Variants in RTL1 observed in about 807,000 individuals in gnomAD.
RTL1 encodes the protein retrotransposon Gag like 1.
For synonymous variants in RTL1, 727 were observed against 748.4 expected (o/e 0.97, Z 0.47); for missense variants, 1,681 against 1,767.5 (o/e 0.95, Z 0.88).
At chr14:100,891,579 A>C (rs1048478222) in intron 3 of RTL1, among the ~76,000 whole-genome samples, 1 of 152,164 alleles carries the variant, frequency 6.6e-6, no homozygotes, top group Non-Finnish European at 1.5e-5. Flanking sequence ...TCTATGCTTG[A>C]CTGGCAGCTC....
chr14:100,880,326 TG>T lies in RTL1; in HGVS notation c.*385del, dbSNP rs2038589009. The stretch of plus-strand genomic sequence containing the variant: ...CCAGGGTGGCCATCACCAGGCCGGG[TG>T]GGGGGCCCCGTCACCTGCTTGCTTG... On this transcript the variant is annotated 3_prime_UTR_variant, in exon 4 of 4. Coordinates refer to ENST00000649591, the MANE Select transcript of RTL1 (RefSeq NM_001134888.3). Among the ~76,000 whole-genome samples the T allele has an allele frequency of 6.6e-6, 1 of 151,620 alleles. No homozygotes were observed. The highest frequency in any genetic ancestry group is 6.6e-5 in the Admixed American group (1 of 15,218).
intron 2 of RTL1, among the ~76,000 whole-genome samples, chr14:100,894,264 C>T (rs1235914561): frequency 7.2e-6 from 1 of 138,512 alleles, no homozygotes; most frequent in Non-Finnish European, 1.5e-5. Flanking sequence ...GAGCCGAGAT[C>T]ATGCCACTGC....
chr14:100,880,815 A>G lies in RTL1; in HGVS notation c.3974T>C (p.Ile1325Thr). The G allele has an allele frequency of 1.3e-6, 2 of 1,550,550 alleles. No individual in the cohort carries two copies. Among genetic ancestry groups the G allele is most frequent in the East Asian group, 4.9e-5 (2 of 40,866 alleles). ...ARALSQFLTL[I>T]YRRALPIPAW... ...GGGGATGGGCAGGGCCCGCCTGTAG[A>G]TCAGGGTCAGGAACTGGCTCAGGGC... Residue 1325 changes from isoleucine (I) to threonine (T), a missense_variant, in exon 4 of 4, where the codon ATC (isoleucine) becomes ACC (threonine). Physicochemically the swap from Ile to Thr is moderately conservative, Grantham distance 89 (BLOSUM62 -1). Transcript: ENST00000649591.
At position 100,881,995 on chromosome 14, in the gene RTL1, T is replaced by G. The variant is rs746340462; in HGVS notation, c.2794A>C (p.Met932Leu). Residue 932 changes from methionine to leucine, a missense_variant, in exon 4 of 4, where the codon ATG (methionine) becomes CTG (leucine). Transcript: ENST00000649591. The surrounding 1 kb of genome is among the most constrained non-coding windows in gnomAD (Gnocchi z 6.6). ...TTCTCCAGGTAGCGGCACCACACCA[T>G]GAAGGCAGCCCGTATTGGAAGAATC... ...MKILPIRAAF[M>L]VWCRYLENTE... 6.2e-7 allele frequency: 1 copy of G among 1,613,626 alleles called. No individual in the cohort carries two copies. Among genetic ancestry groups the G allele is most frequent in the Non-Finnish European group, 8.5e-7 (1 of 1,179,900 alleles).
At chr14:100,888,928 T>C (rs766139050) in intron 3 of RTL1, among the ~76,000 whole-genome samples, 2 of 152,212 alleles carry the variant, frequency 1.3e-5, no homozygotes, top group Non-Finnish European at 2.9e-5. Flanking sequence ...TCAAAATGTT[T>C]GCGCATGATT....
intron 2 of RTL1, chr14:100,897,563 C>A (rs1163046382): frequency 6.6e-6 from 1 of 152,106 alleles, no homozygotes; most frequent in South Asian, 2.1e-4. Context: ...TTTACATAAA[C>A]TATATCATAG....
At chr14:100,897,763 T>TGGGGGGGGGGGGGG (rs1566760864) in intron 2 of RTL1, 2 of 26,742 alleles carry the variant, frequency 7.5e-5, no homozygotes, top group Admixed American at 7.2e-4. Context: ...GGGGGGGGGG[T>TGGGGGGGGGGGGGG]GGGGGGGTGG....
At position 100,882,229 on chromosome 14, in the gene RTL1, C is replaced by G. The variant is rs762024883; in HGVS notation, c.2560G>C (p.Glu854Gln). 16 of 1,551,032 alleles carry G rather than the reference C, an allele frequency of 1.0e-5. No individual in the cohort carries two copies. The highest frequency in any genetic ancestry group is 1.7e-4 in the Middle Eastern group (1 of 6,014). ...YWGVEEQEAF[E>Q]CLKRAFRKAP... ...TTGCGGAAAGCCCTCTTCAGGCACT[C>G]GAAGGCCTCTTGCTCCTCGACTCCC... Residue 854 changes from glutamate (E) to glutamine (Q), a missense_variant, in exon 4 of 4, where the codon GAG becomes CAG. Transcript: ENST00000649591.
chr14:100,884,063 G>A lies in RTL1; in HGVS notation c.726C>T (p.Ile242=). Residue 242 remains isoleucine (I), a synonymous_variant, in exon 4 of 4, where the codon ATC becomes ATT. Coordinates refer to ENST00000649591, the MANE Select transcript of RTL1 (RefSeq NM_001134888.3). ...CTAATGCCAAGCCGGACAGGTGATT[G>A]ATGACATAGCCAACTCTCAGACGGT... ...YNDRLRVGYV[I]NHLSGLALEW... 2 of 1,551,746 alleles carry A rather than the reference G, an allele frequency of 1.3e-6. No homozygotes were observed. The highest frequency in any genetic ancestry group is 1.7e-4 in the Middle Eastern group (1 of 5,992).
chr14:100,901,905 C>G (rs769633374), intron 2 of RTL1, among the ~76,000 whole-genome samples: 1 of 152,212 alleles, frequency 6.6e-6, no homozygotes, highest in East Asian at 1.9e-4. Context: ...GCAAGCTACT[C>G]GGGAGAGGCC....
At chr14:100,899,362 G>A (rs1215636326) in intron 2 of RTL1, among the ~76,000 whole-genome samples, 3 of 152,244 alleles carry the variant, frequency 2.0e-5, no homozygotes, top group Admixed American at 6.5e-5. Context: ...CCCAGAACAG[G>A]AGGAGGACAT....
In RTL1 at chr14:100,893,723, C is replaced by A. The variant is rs2038813899; in HGVS notation, c.-148-218G>T. Among the ~76,000 whole-genome samples, 1 of 152,008 alleles carries A rather than the reference C, an allele frequency of 6.6e-6. No homozygotes were observed. The highest frequency in any genetic ancestry group is 6.6e-5 in the Admixed American group (1 of 15,236). ...TACTATGCGCCAAGCGCTGCTTTCA[C>A]CATTTTACAGGTTTTCACTCTTTCA... On this transcript the variant is annotated intron_variant, in intron 2 of 3. Transcript: ENST00000649591. This position sits in a 1 kb window ranked among gnomAD's most constrained non-coding sequence, Gnocchi z 4.2.
In RTL1 at chr14:100,903,309, C is replaced by A. The variant is rs1219175961; in HGVS notation, c.-167G>T. 6.6e-6 allele frequency among the ~76,000 whole-genome samples: 1 copy of A among 152,074 alleles called. No homozygotes were observed. Among genetic ancestry groups the A allele is most frequent in the Non-Finnish European group, 1.5e-5 (1 of 68,010 alleles). Reference sequence around the variant, plus strand: ...TACCTACCTTCCCCGGGCCCAGTCCCAAGCGTGAGGCTGGGGATGAAGTGA... The same window carrying A: ...TACCTACCTTCCCCGGGCCCAGTCCAAAGCGTGAGGCTGGGGATGAAGTGA... On this transcript the variant is annotated 5_prime_UTR_variant, in exon 2 of 4. Coordinates refer to ENST00000649591, the MANE Select transcript of RTL1 (RefSeq NM_001134888.3).
Position 100,884,138 on chromosome 14 carries a change from G to T in RTL1, c.651C>A (p.Ile217=), listed in dbSNP as rs150695048. Residue 217 remains isoleucine (I), a synonymous_variant, in exon 4 of 4, where the codon ATC becomes ATA. Transcript: ENST00000649591. ...TCTGTAAGGTCAGTTGGCAGAGTAC[G>T]ATGAACTCGTGGAATTCTCTGCGAT... ...SGDRREFHEF[I]VLCQLTLQSY... 2 of 1,551,730 alleles carry T rather than the reference G, an allele frequency of 1.3e-6. No homozygotes were observed. The highest frequency in any genetic ancestry group is 3.9e-5 in the Admixed American group (2 of 51,010).
At chr14:100,902,827 A>G (rs895716558) in intron 2 of RTL1, among the ~76,000 whole-genome samples, 9 of 152,336 alleles carry the variant, frequency 5.9e-5, no homozygotes, top group African/African-American at 2.2e-4. Flanking sequence ...CACATCAGAC[A>G]CTTCATAAAT....
At chr14:100,895,222 G>A (rs1411860433) in intron 2 of RTL1, among the ~76,000 whole-genome samples, 1 of 152,216 alleles carries the variant, frequency 6.6e-6, no homozygotes, top group Non-Finnish European at 1.5e-5. Context: ...ATATACAGAT[G>A]TGCGTGGGGA....
chr14:100,893,218 A>AGGAG lies in RTL1; in HGVS notation c.-87+222_-87+225dup, dbSNP rs780966484. 6.6e-6 allele frequency among the ~76,000 whole-genome samples: 1 copy of AGGAG among 152,156 alleles called. No individual in the cohort carries two copies. The highest frequency in any genetic ancestry group is 1.5e-5 in the Non-Finnish European group (1 of 68,040). On this transcript the variant is annotated intron_variant, in intron 3 of 3. Coordinates refer to ENST00000649591, the MANE Select transcript of RTL1 (RefSeq NM_001134888.3). This position sits in a 1 kb window ranked among gnomAD's most constrained non-coding sequence, Gnocchi z 4.2. Reference sequence around the variant, plus strand: ...CTCATTCTAGCTTATTTGGTGTTCGAGGAGGGACAGGACAGCTGGCCCAGG... The same window carrying AGGAG: ...CTCATTCTAGCTTATTTGGTGTTCGAGGAGGGAGGGACAGGACAGCTGGCCCAGG...
Position 100,881,650 on chromosome 14 carries a change from G to T in RTL1, c.3139C>A (p.Arg1047=), listed in dbSNP as rs779181991. The change falls in exon 4 of 4, where the codon CGG becomes AGG. Residue 1047 remains arginine, a synonymous_variant. Coordinates refer to ENST00000649591, the MANE Select transcript of RTL1 (RefSeq NM_001134888.3). This position sits in a 1 kb window ranked among gnomAD's most constrained non-coding sequence, Gnocchi z 6.6. ...EQDELNEQIL[R]QELLAMIPID... ...GGTATCATGGCCAGCAGCTCTTGCC[G>T]TAGGATCTGTTCATTGAGCTCATCC... The T allele has an allele frequency of 3.9e-6, 6 of 1,552,064 alleles. No individual in the cohort carries two copies. Among genetic ancestry groups the T allele is most frequent in the African/African-American group, 1.4e-5 (1 of 73,050 alleles).
At chr14:100,889,641 T>C (rs967542792) in intron 3 of RTL1, 2 of 152,242 alleles carry the variant, frequency 1.3e-5, no homozygotes, top group East Asian at 3.8e-4. Flanking sequence ...ATTCTTTTTC[T>C]GGGCCAGGCA....
Sources: gnomAD v4.1 joint callset for allele counts (sites outside exome capture counted in the v4.1 genomes callset) on GRCh38, gnomAD v4.1.1 for gene constraint, Gnocchi (gnomAD v3.1) non-coding constraint, MANE v1.5 for transcripts, NCBI Gene and HGNC (gene_info 2026-07-23, HGNC 2026-07-21) for gene names.